Variants in ARHGAP11A observed in about 807,000 individuals in gnomAD.
ARHGAP11A encodes rho GTPase-activating protein 11A.
Under a neutral mutation model 60.5 loss-of-function variants are expected in ARHGAP11A, and 36 were observed. The observed-to-expected ratio is 0.59, with a 90% CI of 0.46 to 0.79. ARHGAP11A has a LOEUF of 0.79. Ranked by LOEUF, ARHGAP11A falls within the 30% of genes least tolerant of loss-of-function variation. The pLI is 0.00. For synonymous variants in ARHGAP11A, 362 were observed against 415.5 expected, an observed-to-expected ratio of 0.87 and a Z score of 1.57; for missense variants, 1,071 against 1,199.2, an observed-to-expected ratio of 0.89 and a Z score of 1.58.
At position 32,625,156 on chromosome 15, in the gene ARHGAP11A, C is replaced by T. The variant is rs751800364; in HGVS notation, c.628C>T (p.His210Tyr). ...APNLLQTSEG[H>Y]EKMSSNTEKK... ...GAATCTTCTTCAGACAAGTGAAGGA[C>T]ATGAAAAGATGTCTTCTAACACAGA... Residue 210 changes from histidine to tyrosine, a missense_variant, in exon 5 of 12, where the codon CAT becomes TAT. By Grantham distance (83) the His-to-Tyr change is moderately conservative (BLOSUM62 2). This residue lies in a region of ARHGAP11A where 196 missense variants were observed against 272.1 expected (regional missense o/e 0.72). Transcript: ENST00000361627. 2 of 1,613,886 alleles carry T rather than the reference C, an allele frequency of 1.2e-6. No individual in the cohort carries two copies. The highest frequency in any genetic ancestry group is 1.7e-5 in the Admixed American group (1 of 60,020).
In ARHGAP11A at chr15:32,637,502, A is replaced by G; in HGVS notation, c.2729A>G (p.Glu910Gly). 6.2e-7 allele frequency: 1 copy of G among 1,613,944 alleles called. No homozygotes were observed. The highest frequency in any genetic ancestry group is 8.5e-7 in the Non-Finnish European group (1 of 1,180,018). ...GAACAGAAGTCCATGTCATGTGAAG[A>G]GTCAAATATTGGTGCAATTTCAAAG... ...PKEQKSMSCE[E>G]SNIGAISKSS... Residue 910 changes from glutamate (E) to glycine (G), a missense_variant, in exon 12 of 12, where the codon GAG becomes GGG. Transcript: ENST00000361627.
At chr15:32,631,352 A>G (rs530509573) in intron 8 of ARHGAP11A, among the ~76,000 whole-genome samples, 65 of 151,186 alleles carry the variant, frequency 4.3e-4, no homozygotes, top group Non-Finnish European at 8.7e-4. Context: ...CTAGAGTGCA[A>G]TGGCACAATC....
chr15:32,636,457 A>G lies in ARHGAP11A; in HGVS notation c.1684A>G (p.Thr562Ala). The G allele has an allele frequency of 6.2e-7, 1 of 1,613,918 alleles. No homozygotes were observed. ...TATTATGGTAGAAAAGTCACCTGCT[A>G]CTTCATGTGAACTCACCCCTTCCAA... ...PDIMVEKSPA[T>A]SCELTPSNLN... Residue 562 changes from threonine to alanine, a missense_variant, in exon 12 of 12, where the codon ACT becomes GCT. By Grantham distance (58) the Thr-to-Ala change is moderately conservative. Coordinates refer to ENST00000361627, the MANE Select transcript of ARHGAP11A (RefSeq NM_014783.6).
chr15:32,616,060 T>A lies in ARHGAP11A; in HGVS notation c.-152T>A. 1 of 1,097,942 alleles carries A rather than the reference T, an allele frequency of 9.1e-7. No individual in the cohort carries two copies. The highest frequency in any genetic ancestry group is 2.9e-5 in the Admixed American group (1 of 34,954). 68.0% of individuals were successfully genotyped at this position (1,097,942 alleles called of 1,614,324 possible). The stretch of plus-strand genomic sequence containing the variant: ...GAGGATCAAGGAAAAGCCGTGGAAG[T>A]GGCCGGGGGTCGGGGCCGCAGAAGT... On this transcript the variant is annotated 5_prime_UTR_variant, in exon 1 of 12. Transcript: ENST00000361627.
chr15:32,635,949 A>G (rs2053702613), intron 11 of ARHGAP11A, 34 bp downstream of exon 11: 1 of 1,550,038 alleles, frequency 6.5e-7, no homozygotes, highest in Non-Finnish European at 8.7e-7. Context: ...AGTTTTACCT[A>G]AAAATCCTGC....
Position 32,637,876 on chromosome 15 carries a change from A to G in ARHGAP11A, c.*31A>G. ...AAATGTTATACTTGTCATTAATGTA[A>G]ATAAAGTGAGTAATTGGTATGACTT... is the stretch of plus-strand genomic sequence containing the variant. On this transcript the variant is annotated 3_prime_UTR_variant, in exon 12 of 12. Coordinates refer to ENST00000361627, the MANE Select transcript of ARHGAP11A (RefSeq NM_014783.6). 1 of 1,509,144 alleles carries G rather than the reference A, an allele frequency of 6.6e-7. No individual in the cohort carries two copies. The highest frequency in any genetic ancestry group is 8.9e-7 in the Non-Finnish European group (1 of 1,121,856). The allele number at this position is 1,509,144 out of a possible 1,614,324, so 93.5% of individuals were successfully genotyped here. A position where few individuals can be genotyped will look rare whatever the true frequency, so the allele number is the denominator to read the frequency against.
rs1595775765 is a variant in ARHGAP11A, at chr15:32,634,961, C to A, written c.1345-816C>A. Reference sequence around the variant, plus strand: ...TAGTAAACTCCTGTTAATAGTTCTTCCTTCTCCTACCCTTGCTGCAGTTCT... The same window carrying A: ...TAGTAAACTCCTGTTAATAGTTCTTACTTCTCCTACCCTTGCTGCAGTTCT... On this transcript the variant is annotated intron_variant, in intron 10 of 11. Coordinates refer to ENST00000361627, the MANE Select transcript of ARHGAP11A (RefSeq NM_014783.6). Among the ~76,000 whole-genome samples, 2 of 152,320 alleles carry A rather than the reference C, an allele frequency of 1.3e-5. 1 individual carries two copies. The highest frequency in any genetic ancestry group is 3.9e-4 in the East Asian group (2 of 5,190).
chr15:32,625,218 T>A lies in ARHGAP11A; in HGVS notation c.690T>A (p.Thr230=), dbSNP rs1238702228. Residue 230 remains threonine, a synonymous_variant, in exon 5 of 12, where the codon ACT becomes ACA. Coordinates refer to ENST00000361627, the MANE Select transcript of ARHGAP11A (RefSeq NM_014783.6). ...GATTACAGGCTGCAGTAGTACAGAC[T>A]CTTATCGATTATGCATCAGATATTG... The part of the protein sequence containing the change: ...KLRLQAAVVQ[T]LIDYASDIGR... 1 of 1,611,326 alleles carries A rather than the reference T, an allele frequency of 6.2e-7. No individual in the cohort carries two copies. The highest frequency in any genetic ancestry group is 1.3e-5 in the African/African-American group (1 of 74,768).
intron 1 of ARHGAP11A, among the ~76,000 whole-genome samples, chr15:32,616,775 C>T (rs565875684): frequency 7.4e-4 from 113 of 152,304 alleles, no homozygotes; most frequent in Non-Finnish European, 1.4e-3. Flanking sequence ...AAAAACTCTA[C>T]CCCTCCACCC....
chr15:32,631,694 G>T (rs886790951), intron 8 of ARHGAP11A, among the ~76,000 whole-genome samples: 1 of 151,950 alleles, frequency 6.6e-6, no homozygotes, highest in Non-Finnish European at 1.5e-5. Context: ...TTTATTTTTT[G>T]AGACGGAGTC....
At chr15:32,624,996 C>T (rs906460642) in intron 4 of ARHGAP11A, 84 bp from the exon 5 acceptor site, 1 of 1,481,390 alleles carries the variant, frequency 6.8e-7, no homozygotes, top group Non-Finnish European at 9.3e-7. Flanking sequence ...ATAATAAGGT[C>T]TTCAAAATGT....
intron 2 of ARHGAP11A, among the ~76,000 whole-genome samples, chr15:32,621,142 G>T (rs1264854566): frequency 1.4e-5 from 1 of 72,418 alleles, no homozygotes; most frequent in African/African-American, 5.5e-5. Flanking sequence ...GTATCACTTA[G>T]CTTTTCTATG....
Position 32,629,654 on chromosome 15 carries a change from G to C in ARHGAP11A, c.997G>C (p.Asp333His), listed in dbSNP as rs140472511. ...AAATGCTAAGCGTACATTGCCAGTA[G>C]ATTCTTCTCATGGTTTCTCAAGTAA... ...TPNAKRTLPV[D>H]SSHGFSSKKR... The change falls in exon 8 of 12, where the codon GAT becomes CAT. Residue 333 changes from aspartate (D) to histidine (H), a missense_variant. By Grantham distance (81) the Asp-to-His change is moderately conservative. This residue lies in a region of ARHGAP11A where 196 missense variants were observed against 272.1 expected (regional missense o/e 0.72). Coordinates refer to ENST00000361627, the MANE Select transcript of ARHGAP11A (RefSeq NM_014783.6). 11,632 of 1,613,496 alleles carry C rather than the reference G, an allele frequency of 7.2e-3. 62 individuals carry two copies. Among genetic ancestry groups the C allele is most frequent in the Non-Finnish European group, 9.0e-3 (10,577 of 1,179,736 alleles).
chr15:32,633,014 A>C lies in ARHGAP11A; in HGVS notation c.1141A>C (p.Ser381Arg). The C allele has an allele frequency of 6.2e-7, 1 of 1,614,038 alleles. No homozygotes were observed. Among genetic ancestry groups the C allele is most frequent in the Non-Finnish European group, 8.5e-7 (1 of 1,179,908 alleles). Residue 381 changes from serine (S) to arginine (R), a missense_variant, in exon 9 of 12, where the codon AGT becomes CGT. This residue lies in a region of ARHGAP11A where 776 missense variants were observed against 760.2 expected (regional missense o/e 1.02). Coordinates refer to ENST00000361627, the MANE Select transcript of ARHGAP11A (RefSeq NM_014783.6). ...IDTSSEGSSQ[S>R]SLSPVLIGGN... is the part of the protein sequence containing the mutation. ...TACAAGCTCAGAAGGGTCATCTCAG[A>C]GTTCACTCTCTCCTGTACTCATTGG...
intron 6 of ARHGAP11A, among the ~76,000 whole-genome samples, chr15:32,627,493 G>A (rs922824905): frequency 1.6e-3 from 241 of 151,646 alleles, no homozygotes; most frequent in African/African-American, 3.7e-3. Flanking sequence ...ACTTTGGGAG[G>A]CCAAGGTGGG....
intron 8 of ARHGAP11A, among the ~76,000 whole-genome samples, chr15:32,631,675 T>G (rs573354686): frequency 5.3e-5 from 8 of 152,242 alleles, no homozygotes; most frequent in Non-Finnish European, 8.8e-5. Context: ...CATTGACACA[T>G]TTTTTATTTT....
chr15:32,616,631 T>C (rs1191963163), intron 1 of ARHGAP11A, among the ~76,000 whole-genome samples: 1 of 152,218 alleles, frequency 6.6e-6, no homozygotes, highest in East Asian at 1.9e-4. Context: ...GTTCTGTGAA[T>C]TGTGGGATGT....
At chr15:32,629,824 C>A (rs2053549680) in intron 8 of ARHGAP11A, 62 bp downstream of exon 8, 1 of 1,155,538 alleles carries the variant, frequency 8.7e-7, no homozygotes, top group Non-Finnish European at 1.2e-6. Flanking sequence ...ATTCTGGGCA[C>A]AGTGCAATTT....
chr15:32,623,127 A>G (rs540840601), intron 2 of ARHGAP11A, among the ~76,000 whole-genome samples: 348 of 151,032 alleles, frequency 2.3e-3, no homozygotes, highest in Non-Finnish European at 4.0e-3. Context: ...GAAGAGAGCT[A>G]TTTCTTTGGA....
Sources: allele counts gnomAD v4.1 joint callset (sites outside exome capture counted in the v4.1 genomes callset), GRCh38; gene constraint gnomAD v4.1.1; regional missense constraint gnomAD v4.1.1; transcripts MANE v1.5; gene names NCBI Gene and HGNC (gene_info 2026-07-23, HGNC 2026-07-21).